Variants in OTOGL observed in about 807,000 individuals in gnomAD.
OTOGL encodes otogelin-like protein.
Under a neutral mutation model 318.5 loss-of-function variants are expected in OTOGL, and 285 were observed. That is an observed-to-expected ratio of 0.89 (90% CI 0.81 to 0.99). The LOEUF (loss-of-function observed/expected upper bound fraction) is 0.99, where lower values mean the gene tolerates loss of function less well. Ranked by LOEUF, OTOGL falls within the 50% of genes least tolerant of loss-of-function variation. The probability of loss-of-function intolerance (pLI) is 0.00; values close to 1 mark genes in which losing one functional copy is unlikely to be tolerated. For synonymous variants in OTOGL, 987 were observed against 936.5 expected, an observed-to-expected ratio of 1.05 and a Z score of -0.99; for missense variants, 2,899 against 2,845.6, an observed-to-expected ratio of 1.02 and a Z score of -0.43.
chr12:80,277,007 T>C (rs887621345), intron 24 of OTOGL, among the ~76,000 whole-genome samples: 1 of 151,220 alleles, frequency 6.6e-6, no homozygotes, highest in African/African-American at 2.4e-5. Context: ...TTAATTTTTA[T>C]AATCTTGAAT....
intron 9 of OTOGL, among the ~76,000 whole-genome samples, chr12:80,236,163 A>C (rs1346155975): frequency 1.3e-5 from 2 of 152,168 alleles, no homozygotes; most frequent in African/African-American, 4.8e-5. Flanking sequence ...TTCTGTACAC[A>C]TAGGAAGAAA....
chr12:80,159,289 G>A (rs1369126520), intron 1 of OTOGL, among the ~76,000 whole-genome samples: 2 of 152,040 alleles, frequency 1.3e-5, no homozygotes, highest in East Asian at 1.9e-4. Flanking sequence ...CTGGTCTGTA[G>A]TTTTGATTTT....
chr12:80,159,547 G>T (rs1484420428), intron 1 of OTOGL, among the ~76,000 whole-genome samples: 3 of 151,820 alleles, frequency 2.0e-5, no homozygotes, highest in African/African-American at 7.2e-5. Flanking sequence ...TAACCAAGGA[G>T]GTGAAAGAAC....
intron 1 of OTOGL, chr12:80,133,364 A>G (rs1240600101): frequency 6.6e-6 from 1 of 152,154 alleles, no homozygotes; most frequent in African/African-American, 2.4e-5. Context: ...TATATTAGAG[A>G]TGCTTATATA....
chr12:80,357,670 T>G (rs1228033312), intron 49 of OTOGL, among the ~76,000 whole-genome samples: 1 of 152,118 alleles, frequency 6.6e-6, no homozygotes, highest in Admixed American at 6.6e-5. Flanking sequence ...TGAGCCAACT[T>G]TATTTTTTTC....
At chr12:80,129,938 T>C (rs967692909) in intron 1 of OTOGL, among the ~76,000 whole-genome samples, 15 of 152,240 alleles carry the variant, frequency 9.9e-5, no homozygotes, top group Admixed American at 6.5e-4. Flanking sequence ...TCAATTTCTC[T>C]GTTTTGGTCA....
At chr12:80,204,569 A>G (rs1468610337) in intron 1 of OTOGL, among the ~76,000 whole-genome samples, 1 of 152,194 alleles carries the variant, frequency 6.6e-6, no homozygotes, top group Non-Finnish European at 1.5e-5. Flanking sequence ...GAAAATATAT[A>G]AAGTAACCTA....
chr12:80,161,454 A>G (rs747964377), intron 1 of OTOGL, among the ~76,000 whole-genome samples: 3 of 152,164 alleles, frequency 2.0e-5, no homozygotes, highest in Non-Finnish European at 2.9e-5. Context: ...CTAAAAGAAC[A>G]TTAAACTAAG....
rs1889904307 is a variant in OTOGL at position 80,356,451 on chromosome 12, A to G, written c.5842A>G (p.Thr1948Ala). The G allele has an allele frequency of 1.9e-6, 3 of 1,611,972 alleles. No homozygotes were observed. Among genetic ancestry groups the G allele is most frequent in the Non-Finnish European group, 2.5e-6 (3 of 1,179,082 alleles). ...DTTLCETSIP[T>A]CTNSQKLIVG... The stretch of plus-strand genomic sequence containing the variant: ...GACTTTGTGTGAAACTAGCATTCCA[A>G]CATGTACAAATAGTCAAAAATTGAT... The change falls in exon 48 of 59, where the codon ACA becomes GCA. Residue 1948 changes from threonine to alanine, a missense_variant. Transcript: ENST00000547103.
chr12:80,256,125 T>G (rs1882013738), intron 16 of OTOGL, among the ~76,000 whole-genome samples: 1 of 152,014 alleles, frequency 6.6e-6, no homozygotes, highest in Non-Finnish European at 1.5e-5. Flanking sequence ...TGGGGCTACA[T>G]AAAATGGGTT....
rs375389963 is a variant in OTOGL at position 80,115,025 on chromosome 12, A to C, written c.-20+15420A>C. Among the ~76,000 whole-genome samples the C allele has an allele frequency of 2.6e-5, 4 of 152,018 alleles. No individual in the cohort carries two copies. In the South Asian group the frequency reaches 8.3e-4, roughly 32 times the overall value. ...CCTCTAACCTTTTATCAAGGTTCTT[A>C]GCTTCCTTGCATTGGGTTAGAACAT... is the stretch of plus-strand genomic sequence containing the variant. On this transcript the variant is annotated intron_variant, in intron 1 of 58. Coordinates refer to ENST00000547103, the MANE Select transcript of OTOGL (RefSeq NM_001378609.3).
chr12:80,323,915 T>C, intron 35 of OTOGL, 75 bp downstream of exon 35: 1 of 1,164,740 alleles, frequency 8.6e-7, no homozygotes, highest in Non-Finnish European at 1.3e-6. Context: ...TTTTTCAAGA[T>C]TTTAAAAACA....
chr12:80,318,347 C>A (rs924522309), intron 32 of OTOGL, among the ~76,000 whole-genome samples, 199 bp from the exon 33 acceptor site: 5 of 152,024 alleles, frequency 3.3e-5, no homozygotes, highest in Non-Finnish European at 7.4e-5. Context: ...TTTTGCATAA[C>A]CTACAACACG....
chr12:80,318,238 T>G (rs1169797872), intron 32 of OTOGL, among the ~76,000 whole-genome samples: 1 of 152,126 alleles, frequency 6.6e-6, no homozygotes, highest in Non-Finnish European at 1.5e-5. Flanking sequence ...TTGAGTTAAA[T>G]TGGCTTTGAG....
At chr12:80,240,726 T>C in intron 11 of OTOGL, among the ~76,000 whole-genome samples, 1 of 152,222 alleles carries the variant, frequency 6.6e-6, no homozygotes, top group Admixed American at 6.5e-5. Context: ...AATAAACATG[T>C]AATTTTCTTC....
chr12:80,343,485 ACATTT>A (rs1565999644), intron 44 of OTOGL: 31 of 62,276 alleles, frequency 5.0e-4, no homozygotes, highest in East Asian at 1.9e-3. Context: ...ATTATTTTTT[ACATTT>A]TTATTATTTT....
At position 80,109,366 on chromosome 12, in the gene OTOGL, G is replaced by A. The variant is rs966455787; in HGVS notation, c.-20+9761G>A. 7.2e-5 allele frequency among the ~76,000 whole-genome samples: 11 copies of A among 151,904 alleles called. 1 individual carries two copies. The highest frequency in any genetic ancestry group is 5.8e-4 in the East Asian group (3 of 5,188). ...TGTTATTGTATCTTCTTTTTCATTC[G>A]GGGAGAAATGTGGTTTCCCAAACAT... On this transcript the variant is annotated intron_variant, in intron 1 of 58. Transcript: ENST00000547103.
chr12:80,144,336 G>A (rs999225575), intron 1 of OTOGL, among the ~76,000 whole-genome samples: 3 of 151,428 alleles, frequency 2.0e-5, no homozygotes, highest in African/African-American at 7.3e-5. Flanking sequence ...ATAGTTTACT[G>A]AGAATGATGA....
At chr12:80,174,717 C>G (rs1042406694) in intron 1 of OTOGL, among the ~76,000 whole-genome samples, 1 of 152,116 alleles carries the variant, frequency 6.6e-6, no homozygotes, top group East Asian at 1.9e-4. Flanking sequence ...ATCTAATCAT[C>G]TTTCCAAAAT....
Sources: allele counts gnomAD v4.1 joint callset (sites outside exome capture counted in the v4.1 genomes callset), GRCh38; gene constraint gnomAD v4.1.1; transcripts MANE v1.5; gene names NCBI Gene and HGNC (gene_info 2026-07-23, HGNC 2026-07-21).